Variants in AUTS2 observed in about 807,000 individuals in gnomAD.
The protein encoded by AUTS2 is autism susceptibility gene 2 protein.
AUTS2 carries 17 observed loss-of-function variants against 112.4 expected under a neutral mutation model. The observed-to-expected ratio is 0.15, with a 90% CI of 0.10 to 0.23. AUTS2 has a LOEUF of 0.23. Ranked by LOEUF, AUTS2 falls within the 10% of genes least tolerant of loss-of-function variation. AUTS2 has a pLI of 1.00. For synonymous variants in AUTS2, 751 were observed against 702.7 expected (o/e 1.07, Z -1.09); for missense variants, 1,510 against 1,701.6 (o/e 0.89, Z 1.98).
intron 5 of AUTS2, among the ~76,000 whole-genome samples, chr7:70,496,021 CCCCCCCA>C (rs1798470568): frequency 5.4e-5 from 4 of 74,430 alleles, no homozygotes; most frequent in Non-Finnish European, 7.9e-5. Context: ...ACACACACAC[CCCCCCCA>C]CACACATGCA....
chr7:69,604,507 T>A (rs1194228621), intron 1 of AUTS2, among the ~76,000 whole-genome samples: 1 of 152,198 alleles, frequency 6.6e-6, no homozygotes, highest in Non-Finnish European at 1.5e-5. Context: ...CGCCATAGGC[T>A]TTTAGAGACA....
intron 1 of AUTS2, among the ~76,000 whole-genome samples, chr7:69,709,510 G>C (rs146555314): frequency 9.2e-5 from 14 of 152,272 alleles, no homozygotes; most frequent in African/African-American, 3.4e-4. Context: ...CTGGCCATTC[G>C]CATAGTTTGG....
intron 4 of AUTS2, among the ~76,000 whole-genome samples, chr7:70,243,232 TG>T (rs111781736): frequency 0.01 from 66 of 6,438 alleles, 1 homozygote; most frequent in African/African-American, 0.027. Flanking sequence ...AATGTATCCT[TG>T]TGTGTGTGTG....
intron 4 of AUTS2, among the ~76,000 whole-genome samples, chr7:70,417,308 C>T (rs898626184): frequency 2.0e-5 from 3 of 152,202 alleles, no homozygotes; most frequent in Non-Finnish European, 1.5e-5. Context: ...TGACTATTCG[C>T]ATCACAAAAC....
intron 1 of AUTS2, among the ~76,000 whole-genome samples, chr7:69,832,877 A>C (rs1003527972): frequency 1.3e-5 from 2 of 152,210 alleles, no homozygotes; most frequent in Non-Finnish European, 2.9e-5. Context: ...GTAAAAATCA[A>C]AGAGGAATTT....
intron 4 of AUTS2, among the ~76,000 whole-genome samples, chr7:70,153,273 G>T (rs1807545763): frequency 6.6e-6 from 1 of 152,082 alleles, no homozygotes; most frequent in Non-Finnish European, 1.5e-5. Flanking sequence ...CAACAACATG[G>T]ATTCATCTCA....
chr7:69,627,101 A>G (rs778035928), intron 1 of AUTS2, among the ~76,000 whole-genome samples: 1 of 152,232 alleles, frequency 6.6e-6, no homozygotes, highest in Non-Finnish European at 1.5e-5. Flanking sequence ...TTTCTTGAGC[A>G]CCAACATTAT....
chr7:69,631,840 C>G (rs959371131), intron 1 of AUTS2, among the ~76,000 whole-genome samples: 26 of 152,148 alleles, frequency 1.7e-4, no homozygotes, highest in African/African-American at 6.0e-4. Flanking sequence ...CTTTGTAAAA[C>G]ACTAGAACCT....
At chr7:70,669,627 A>G (rs1807532820) in intron 5 of AUTS2, among the ~76,000 whole-genome samples, 1 of 152,218 alleles carries the variant, frequency 6.6e-6, no homozygotes, top group South Asian at 2.1e-4. Flanking sequence ...TTTGTACATC[A>G]TGCTGTCTGC....
At chr7:69,625,822 A>G (rs1793918052) in intron 1 of AUTS2, among the ~76,000 whole-genome samples, 1 of 152,072 alleles carries the variant, frequency 6.6e-6, no homozygotes, top group Admixed American at 6.6e-5. Context: ...TGCCCACTGT[A>G]CTCCAACCCG....
chr7:70,576,600 T>G (rs1002093411), intron 5 of AUTS2, among the ~76,000 whole-genome samples: 1 of 152,112 alleles, frequency 6.6e-6, no homozygotes, highest in African/African-American at 2.4e-5. Flanking sequence ...ACATCTTCTG[T>G]GTAATTTCCA....
intron 2 of AUTS2, among the ~76,000 whole-genome samples, chr7:70,082,492 A>G (rs920485936): frequency 5.3e-5 from 8 of 152,192 alleles, no homozygotes; most frequent in African/African-American, 1.7e-4. Flanking sequence ...TCTGGTTTTA[A>G]TGATGGAATT....
rs1583914015 is a variant in AUTS2, at chr7:69,599,987, G to C, written c.309+25G>C. On this transcript the variant is annotated intron_variant, in intron 1 of 18. Coordinates refer to ENST00000342771, the MANE Select transcript of AUTS2 (RefSeq NM_015570.4). The surrounding 1 kb of genome is among the most constrained non-coding windows in gnomAD (Gnocchi z 7.0). ...GGTAAGGGGGACCCCCCTTCCCCCG[G>C]GTTCCCTTTATGCACGACCCCACTC... The C allele has an allele frequency of 1.2e-6, 2 of 1,612,022 alleles. No homozygotes were observed. The highest frequency in any genetic ancestry group is 4.5e-5 in the East Asian group (2 of 44,792).
At chr7:69,805,903 G>T (rs1200287101) in intron 1 of AUTS2, among the ~76,000 whole-genome samples, 3 of 151,828 alleles carry the variant, frequency 2.0e-5, no homozygotes, top group Non-Finnish European at 4.4e-5. Context: ...TTTAATTTTT[G>T]TTTTTTGTTT....
chr7:69,684,939 G>GT (rs1796995340), intron 1 of AUTS2, among the ~76,000 whole-genome samples: 1 of 152,164 alleles, frequency 6.6e-6, no homozygotes, highest in Non-Finnish European at 1.5e-5. Context: ...GTTAAAATCT[G>GT]TATGTTCAGA....
chr7:70,117,938 G>A (rs973491880), intron 2 of AUTS2, among the ~76,000 whole-genome samples, 194 bp from the exon 3 acceptor site: 2 of 151,784 alleles, frequency 1.3e-5, no homozygotes, highest in Non-Finnish European at 2.9e-5. Context: ...TAGTAGAGAC[G>A]GGGTTTCCAC....
chr7:70,612,844 A>G (rs1180842815), intron 5 of AUTS2, among the ~76,000 whole-genome samples: 1 of 152,036 alleles, frequency 6.6e-6, no homozygotes, highest in Non-Finnish European at 1.5e-5. Flanking sequence ...CTAAAGGAAC[A>G]GATTGCTTAG....
At chr7:70,509,984 C>T (rs918444171) in intron 5 of AUTS2, among the ~76,000 whole-genome samples, 2 of 152,164 alleles carry the variant, frequency 1.3e-5, no homozygotes, top group African/African-American at 4.8e-5. Context: ...CCAGTGCATC[C>T]TACATCCCTA....
In AUTS2 at chr7:69,675,512, T is replaced by G. The variant is rs893214508; in HGVS notation, c.309+75550T>G. 4.8e-5 allele frequency among the ~76,000 whole-genome samples: 7 copies of G among 146,596 alleles called. No homozygotes were observed. In the East Asian group the frequency reaches 1.4e-3, roughly 29 times the overall value. Reference sequence around the variant, plus strand: ...GGGTGGTTTTGGCTGAGGGTTTTTTTTTTTTTTTTTTTTTGAGATGGAGTC... The same window carrying G: ...GGGTGGTTTTGGCTGAGGGTTTTTTGTTTTTTTTTTTTTTGAGATGGAGTC... On this transcript the variant is annotated intron_variant, in intron 1 of 18. Coordinates refer to ENST00000342771, the MANE Select transcript of AUTS2 (RefSeq NM_015570.4).
Sources: gnomAD v4.1 joint callset for allele counts (sites outside exome capture counted in the v4.1 genomes callset) on GRCh38, gnomAD v4.1.1 for gene constraint, Gnocchi (gnomAD v3.1) non-coding constraint, MANE v1.5 for transcripts, NCBI Gene and HGNC (gene_info 2026-07-23, HGNC 2026-07-21) for gene names.